ROS1: variants seen among roughly 807,000 people sequenced by gnomAD.
ROS1 encodes the protein proto-oncogene tyrosine-protein kinase ROS.
ROS1 carries 263 observed loss-of-function variants against 273.5 expected under a neutral mutation model. That is an observed-to-expected ratio of 0.96 (90% CI 0.87 to 1.06). The LOEUF (loss-of-function observed/expected upper bound fraction) is 1.06. ROS1 is among the 50% of genes least tolerant of loss of function. The pLI is 0.00. For synonymous variants in ROS1, 1,008 were observed against 954.1 expected (o/e 1.06, Z -1.04); for missense variants, 2,833 against 2,751.1 (o/e 1.03, Z -0.67).
intron 43 of ROS1, among the ~76,000 whole-genome samples, chr6:117,300,086 CTTTTTTTTTTTTT>C (rs10700318): frequency 1.6e-4 from 5 of 31,842 alleles, no homozygotes; most frequent in Non-Finnish European, 2.7e-4. Flanking sequence ...CCAGGACAGG[CTTTTTTTTTTTTT>C]TTTTTTTTTT....
chr6:117,393,361 T>A (rs778501374), intron 11 of ROS1, 40 bp from the exon 12 acceptor site: 2 of 1,230,148 alleles, frequency 1.6e-6, no homozygotes, highest in Admixed American at 1.7e-5. Flanking sequence ...TTAGCATCTG[T>A]CTATACAGCA....
At chr6:117,324,266 A>T (rs758341916) in intron 35 of ROS1, 66 bp downstream of exon 35, 2 of 767,698 alleles carry the variant, frequency 2.6e-6, no homozygotes. Context: ...CAACTAAGAG[A>T]TAAATCAATC....
chr6:117,350,332 T>G (rs371117746), intron 27 of ROS1, among the ~76,000 whole-genome samples: 2 of 152,242 alleles, frequency 1.3e-5, no homozygotes, highest in East Asian at 1.9e-4. Context: ...TTATATAGTT[T>G]CTGAGGAGAA....
chr6:117,390,747 C>T (rs1316864322), intron 12 of ROS1, among the ~76,000 whole-genome samples: 1 of 152,084 alleles, frequency 6.6e-6, no homozygotes, highest in Admixed American at 6.5e-5. Flanking sequence ...CCACACATGA[C>T]TGAAGCAGGA....
intron 3 of ROS1, among the ~76,000 whole-genome samples, 169 bp from the exon 4 acceptor site, chr6:117,414,714 G>A (rs191388338): frequency 2.8e-4 from 43 of 152,288 alleles, no homozygotes; most frequent in African/African-American, 7.5e-4. Flanking sequence ...GTCTAGGCAG[G>A]ACACTGTATA....
chr6:117,397,437 T>C (rs1226847851), intron 7 of ROS1, among the ~76,000 whole-genome samples: 2 of 152,058 alleles, frequency 1.3e-5, no homozygotes, highest in Non-Finnish European at 2.9e-5. Context: ...AGTTGAAACA[T>C]GGGATGGAAC....
intron 32 of ROS1, among the ~76,000 whole-genome samples, chr6:117,329,959 G>A (rs1333356534): frequency 6.6e-6 from 1 of 152,206 alleles, no homozygotes; most frequent in Non-Finnish European, 1.5e-5. Flanking sequence ...ACTCCCTGGG[G>A]GAGGGGTGAC....
intron 39 of ROS1, among the ~76,000 whole-genome samples, chr6:117,315,830 C>T (rs556779921): frequency 7.2e-5 from 11 of 152,228 alleles, no homozygotes; most frequent in African/African-American, 2.2e-4. Flanking sequence ...CAAGCATCCA[C>T]ACTGCTTCCA....
intron 4 of ROS1, among the ~76,000 whole-genome samples, chr6:117,411,360 G>C (rs1462671400): frequency 2.0e-5 from 3 of 150,488 alleles, no homozygotes; most frequent in African/African-American, 7.3e-5. Context: ...AAGTTATCCA[G>C]TGTTTCTCAA....
Position 117,341,451 on chromosome 6 carries a change from C to G in ROS1, c.4833G>C (p.Arg1611Ser), listed in dbSNP as rs751986538. 21 of 1,613,886 alleles carry G rather than the reference C, an allele frequency of 1.3e-5. No individual in the cohort carries two copies. Among genetic ancestry groups the G allele is most frequent in the Admixed American group, 5.0e-5 (3 of 59,992 alleles). ...ACAGTCTAGTAACAAGGAGAGTGAG[C>G]CTTCCATTTGGAAATTCACTTTGTC... ...PLRQSEFPNGRLTLLVTRLSG... is the reference protein window; with the variant it reads ...PLRQSEFPNGSLTLLVTRLSG... The change falls in exon 30 of 44, where the codon AGG (arginine) becomes AGC (serine). Residue 1611 changes from arginine (R) to serine (S), a missense_variant. Physicochemically the swap from Arg to Ser is moderately radical, Grantham distance 110. Transcript: ENST00000368507.
At chr6:117,394,069 GA>G (rs772431592) in intron 11 of ROS1, 92 bp downstream of exon 11, 12 of 767,578 alleles carry the variant, frequency 1.6e-5, no homozygotes, top group Non-Finnish European at 2.4e-5. Context: ...AGTATGTATT[GA>G]ATAAGGCAAT....
chr6:117,339,422 C>T (rs1462361933), intron 31 of ROS1, among the ~76,000 whole-genome samples: 1 of 152,082 alleles, frequency 6.6e-6, no homozygotes, highest in African/African-American at 2.4e-5. Context: ...CTTCCTGTTT[C>T]CTTTCTAAAA....
chr6:117,288,875 A>G (rs1773625508), intron 43 of ROS1, 73 bp from the exon 44 acceptor site: 1 of 1,211,924 alleles, frequency 8.3e-7, no homozygotes, highest in African/African-American at 1.5e-5. Context: ...AAGCTATATC[A>G]GAATTATAGC....
chr6:117,341,019 C>T (rs1488023799), intron 31 of ROS1, 116 bp downstream of exon 31: 1 of 670,808 alleles, frequency 1.5e-6, no homozygotes, highest in East Asian at 2.8e-5. Flanking sequence ...AAACATAAAT[C>T]AATGAAAGTT....
At chr6:117,348,020 C>A (rs9489135) in intron 27 of ROS1, among the ~76,000 whole-genome samples, 2 of 151,940 alleles carry the variant, frequency 1.3e-5, no homozygotes, top group Non-Finnish European at 2.9e-5. Context: ...AGAGAGACAC[C>A]GGTCTAAAAT....
At position 117,310,341 on chromosome 6, in the gene ROS1, A is replaced by T; in HGVS notation, c.6216-60T>A. The stretch of plus-strand genomic sequence containing the variant: ...TAACAACAATAAAGTTCCAGAAATC[A>T]AAGAAGTAGCCCTAGTAGGTCTGTA... On this transcript the variant is annotated intron_variant, in intron 40 of 43. Coordinates refer to ENST00000368507, the MANE Select transcript of ROS1 (RefSeq NM_001378902.1). 2.3e-6 allele frequency: 3 copies of T among 1,295,306 alleles called. No homozygotes were observed. In the South Asian group the frequency reaches 4.3e-5, roughly 19 times the overall value. 80.2% of individuals were successfully genotyped at this position (1,295,306 alleles called of 1,614,324 possible).
chr6:117,308,996 A>C, intron 41 of ROS1, 68 bp from the exon 42 acceptor site: 2 of 1,507,118 alleles, frequency 1.3e-6, no homozygotes, highest in Non-Finnish European at 1.8e-6. Context: ...TAGTTTCTCC[A>C]ACAACATTTT....
chr6:117,289,426 A>G (rs574658680), intron 43 of ROS1, among the ~76,000 whole-genome samples: 7 of 152,324 alleles, frequency 4.6e-5, no homozygotes, highest in Non-Finnish European at 8.8e-5. Flanking sequence ...CAATTGAAAT[A>G]TGAGGAAAAT....
At position 117,287,929 on chromosome 6, in the gene ROS1, A is replaced by T. The variant is rs1222966519; in HGVS notation, c.*563T>A. 6.6e-6 allele frequency among the ~76,000 whole-genome samples: 1 copy of T among 151,814 alleles called. No individual in the cohort carries two copies. The highest frequency in any genetic ancestry group is 1.5e-5 in the Non-Finnish European group (1 of 67,956). ...CAAGACTTCGTCTCAAAAAAAAAAA[A>T]AAAAAATTAAAAAAAGATAATATAT... is the stretch of plus-strand genomic sequence containing the variant. On this transcript the variant is annotated 3_prime_UTR_variant, in exon 44 of 44. Coordinates refer to ENST00000368507, the MANE Select transcript of ROS1 (RefSeq NM_001378902.1).
Sources: gnomAD v4.1 joint callset for allele counts (sites outside exome capture counted in the v4.1 genomes callset) on GRCh38, gnomAD v4.1.1 for gene constraint, MANE v1.5 for transcripts, NCBI Gene and HGNC (gene_info 2026-07-23, HGNC 2026-07-21) for gene names.